USP8: variants seen among roughly 807,000 people sequenced by gnomAD.
The protein encoded by USP8 is ubiquitin carboxyl-terminal hydrolase 8.
Under a neutral mutation model 130.0 loss-of-function variants are expected in USP8, and 27 were observed. The ratio of observed to expected loss-of-function variants is 0.21; its 90% confidence interval spans 0.15 to 0.29. USP8 has a LOEUF of 0.29. Ranked by LOEUF, USP8 falls within the 10% of genes least tolerant of loss-of-function variation. The pLI is 1.00. For missense variants in USP8, 1,029 were observed against 1,312.2 expected, an observed-to-expected ratio of 0.78 and a Z score of 3.33; for synonymous variants, 392 against 444.1, an observed-to-expected ratio of 0.88 and a Z score of 1.48.
At chr15:50,442,705 A>G (rs918160648) in intron 3 of USP8, among the ~76,000 whole-genome samples, 1 of 152,228 alleles carries the variant, frequency 6.6e-6, no homozygotes, top group Admixed American at 6.5e-5. Flanking sequence ...AGATTGCACC[A>G]CTGCACTCCA....
intron 8 of USP8, among the ~76,000 whole-genome samples, chr15:50,473,865 C>T (rs2051470114): frequency 6.6e-6 from 1 of 151,504 alleles, no homozygotes; most frequent in Admixed American, 6.6e-5. Flanking sequence ...GATGGAGTCT[C>T]ACTCTGTCAC....
chr15:50,450,192 A>G (rs2050581764), intron 4 of USP8, among the ~76,000 whole-genome samples: 2 of 151,968 alleles, frequency 1.3e-5, no homozygotes. Context: ...ACCCGGCCCC[A>G]ATATTTCTAA....
chr15:50,490,164 C>T (rs2141316782), intron 13 of USP8, 99 bp from the exon 14 acceptor site: 3 of 1,301,750 alleles, frequency 2.3e-6, no homozygotes, highest in South Asian at 2.9e-5. Flanking sequence ...TATTTTAATC[C>T]AAAAGTAAAT....
chr15:50,488,332 A>C (rs1168900990), intron 12 of USP8, among the ~76,000 whole-genome samples: 2 of 152,054 alleles, frequency 1.3e-5, no homozygotes, highest in Non-Finnish European at 2.9e-5. Flanking sequence ...TAGTTGTGCC[A>C]TTTGCCTTCA....
intron 4 of USP8, among the ~76,000 whole-genome samples, chr15:50,455,769 C>A (rs1420295467): frequency 6.6e-6 from 1 of 152,144 alleles, no homozygotes; most frequent in Non-Finnish European, 1.5e-5. Flanking sequence ...AACTGACATT[C>A]TTTTCAATTC....
chr15:50,466,810 C>T (rs1451083412), intron 7 of USP8: 5 of 285,500 alleles, frequency 1.8e-5, no homozygotes, highest in Non-Finnish European at 2.8e-5. Flanking sequence ...GAATCACTCT[C>T]TATGAGCCAC....
chr15:50,450,081 G>A (rs1171445513), intron 4 of USP8, among the ~76,000 whole-genome samples: 1 of 151,032 alleles, frequency 6.6e-6, no homozygotes, highest in Admixed American at 6.6e-5. Flanking sequence ...TTTTAGTAGA[G>A]ACGGGGTTTC....
chr15:50,492,570 T>A (rs537212821), intron 14 of USP8, 131 bp from the exon 15 acceptor site: 2 of 841,548 alleles, frequency 2.4e-6, no homozygotes, highest in Non-Finnish European at 3.6e-6. Flanking sequence ...CAGCATCTTA[T>A]GAGTTAACAT....
chr15:50,450,374 C>G (rs1016481015), intron 4 of USP8, among the ~76,000 whole-genome samples: 8 of 150,396 alleles, frequency 5.3e-5, no homozygotes, highest in Admixed American at 5.3e-4. Context: ...AAAACTGATT[C>G]TGGTATTTGC....
At position 50,465,054 on chromosome 15, in the gene USP8, C is replaced by A. The variant is rs1352504124; in HGVS notation, c.549C>A (p.Ile183=). 8 of 1,613,600 alleles carry A rather than the reference C, an allele frequency of 5.0e-6. No homozygotes were observed. The highest frequency in any genetic ancestry group is 6.8e-6 in the Non-Finnish European group (8 of 1,179,806). The change falls in exon 7 of 20, where the codon ATC becomes ATA. Residue 183 remains isoleucine, a synonymous_variant. Transcript: ENST00000307179. ...GTCTCTCTCAATTCCAAGGAGCAAT[C>A]ACAGCAAAGGAACTATACACAATGA... ...EKCETKEKGA[I]TAKELYTMMT... is the part of the protein sequence containing the mutation.
At position 50,477,441 on chromosome 15, in the gene USP8, C is replaced by T; in HGVS notation, c.1160C>T (p.Ser387Phe). The change falls in exon 10 of 20, where the codon TCT (serine) becomes TTT (phenylalanine). Residue 387 changes from serine (S) to phenylalanine (F), a missense_variant. By Grantham distance (155) the Ser-to-Phe change is radical. Coordinates refer to ENST00000307179, the MANE Select transcript of USP8 (RefSeq NM_005154.5). ...ACTCCAGTTGAACCAGTTGCTGCTT[C>T]TAAATCTGATGTTTCACCCATAATT... is the stretch of plus-strand genomic sequence containing the variant. The part of the protein sequence containing the change: ...ISTPVEPVAA[S>F]KSDVSPIIQP... The T allele has an allele frequency of 1.9e-6, 3 of 1,614,172 alleles. No homozygotes were observed. Among genetic ancestry groups the T allele is most frequent in the Non-Finnish European group, 2.5e-6 (3 of 1,180,040 alleles).
In USP8 at chr15:50,498,753, CT is replaced by C. The variant is rs761063899; in HGVS notation, c.3171+30del. 1.0e-5 allele frequency: 16 copies of C among 1,574,524 alleles called. No homozygotes were observed. In the South Asian group the frequency reaches 1.8e-4, roughly 17 times the overall value. On this transcript the variant is annotated intron_variant, in intron 19 of 19. Transcript: ENST00000307179. ...AGTAAGTATCTCTTTGAACTGAAGACTTTTTGTTTCAAAGCAAGTTTAAAAA... is the reference window on the plus strand; with the variant it reads ...AGTAAGTATCTCTTTGAACTGAAGACTTTTGTTTCAAAGCAAGTTTAAAAA...
At position 50,514,302 on chromosome 15, in the gene USP8, A is replaced by G. The variant is rs1314489791; in HGVS notation, c.*15214A>G. 6.6e-6 allele frequency: 1 copy of G among 152,220 alleles called. No individual in the cohort carries two copies. The highest frequency in any genetic ancestry group is 1.5e-5 in the Non-Finnish European group (1 of 68,044). 9.4% of individuals were successfully genotyped at this position (152,220 alleles called of 1,614,324 possible). On this transcript the variant is annotated 3_prime_UTR_variant, in exon 20 of 20. Transcript: ENST00000307179. ...TTAGGGTGCTGGTAACATTCTGTTT[A>G]AACTCTGTTCTGCTGGTTACATGGG...
At chr15:50,496,903 C>CT (rs1382787758) in intron 17 of USP8, 186 bp from the exon 18 acceptor site, 1 of 661,782 alleles carries the variant, frequency 1.5e-6, no homozygotes, top group African/African-American at 1.9e-5. Context: ...TCACCACACT[C>CT]TGTGCTGTCA....
intron 18 of USP8, 65 bp downstream of exon 18, chr15:50,497,296 A>G: frequency 6.5e-7 from 1 of 1,533,316 alleles, no homozygotes. Flanking sequence ...GTTCTGTGTA[A>G]TTTATACTTG....
intron 17 of USP8, among the ~76,000 whole-genome samples, chr15:50,496,547 C>G (rs2052418780): frequency 6.7e-6 from 1 of 149,982 alleles, no homozygotes; most frequent in African/African-American, 2.5e-5. Flanking sequence ...ATAATTAGGC[C>G]TATGTAGATT....
At chr15:50,466,901 T>C in intron 7 of USP8, 1 of 422,102 alleles carries the variant, frequency 2.4e-6, no homozygotes, top group Non-Finnish European at 4.7e-6. Flanking sequence ...AAGGACCAGT[T>C]CAAATGCCTA....
chr15:50,436,925 C>A (rs1398014956), intron 1 of USP8, among the ~76,000 whole-genome samples: 1 of 152,146 alleles, frequency 6.6e-6, no homozygotes, highest in Non-Finnish European at 1.5e-5. Context: ...CCACTTTGGC[C>A]TCCCAAAGTG....
Position 50,495,241 on chromosome 15 carries a change from TA to T in USP8, c.2659-606del, listed in dbSNP as rs1307927215. The stretch of plus-strand genomic sequence containing the variant: ...ACACAAAAATATTTGTGTATATATA[TA>T]TACGTGTATATATACATACATATAT... On this transcript the variant is annotated intron_variant, in intron 16 of 19. Transcript: ENST00000307179. Among the ~76,000 whole-genome samples the T allele has an allele frequency of 3.4e-5, 2 of 58,288 alleles. 1 individual carries two copies. Among genetic ancestry groups the T allele is most frequent in the African/African-American group, 9.8e-5 (2 of 20,426 alleles). The allele number at this position is 58,288 out of a possible 152,430, so 38.2% of individuals were successfully genotyped here.
Sources: allele counts gnomAD v4.1 joint callset (sites outside exome capture counted in the v4.1 genomes callset), GRCh38; gene constraint gnomAD v4.1.1; transcripts MANE v1.5; gene names NCBI Gene and HGNC (gene_info 2026-07-23, HGNC 2026-07-21).